The following FHIT variants were observed in gnomAD, a reference collection of about 807,000 sequenced individuals.
FHIT encodes the protein bis(5'-adenosyl)-triphosphatase.
FHIT carries 19 observed loss-of-function variants against 17.9 expected under a neutral mutation model. That is an observed-to-expected ratio of 1.06 (90% CI 0.74 to 1.56). FHIT has a LOEUF of 1.56. Among genes scored for constraint, FHIT ranks in the 40% most tolerant of loss-of-function variants. The pLI is 0.00. For missense variants in FHIT, 248 were observed against 189.2 expected, an observed-to-expected ratio of 1.31 and a Z score of -1.82; for synonymous variants, 81 against 69.7, an observed-to-expected ratio of 1.16 and a Z score of -0.81.
chr3:60,118,372 C>T lies in FHIT; in HGVS notation c.104-104220G>A, dbSNP rs536148903. ...ATCCTCCTGCCTAAGCCTCCCAAAG[C>T]GCTGGGATTATACGTGTGAGCCACT... On this transcript the variant is annotated intron_variant, in intron 5 of 9. Transcript: ENST00000492590. Among the ~76,000 whole-genome samples, 90 of 151,506 alleles carry T rather than the reference C, an allele frequency of 5.9e-4. 1 individual carries two copies. Among genetic ancestry groups the T allele is most frequent in the African/African-American group, 1.5e-3 (63 of 41,276 alleles).
intron 4 of FHIT, among the ~76,000 whole-genome samples, chr3:60,685,539 A>C (rs2040843086): frequency 6.6e-6 from 1 of 152,190 alleles, no homozygotes; most frequent in Non-Finnish European, 1.5e-5. Context: ...GGAGCCATAT[A>C]GAAAATGGTG....
At chr3:60,274,731 C>T (rs1444534868) in intron 5 of FHIT, among the ~76,000 whole-genome samples, 1 of 152,148 alleles carries the variant, frequency 6.6e-6, no homozygotes, top group African/African-American at 2.4e-5. Context: ...TGAGTCTGTT[C>T]AGGTCTACTA....
At chr3:60,506,690 T>C (rs1281124602) in intron 5 of FHIT, among the ~76,000 whole-genome samples, 2 of 152,066 alleles carry the variant, frequency 1.3e-5, no homozygotes, top group African/African-American at 4.8e-5. Flanking sequence ...CCTTCTAACC[T>C]CCTGCCCTCT....
At chr3:60,364,033 T>C (rs1191535551) in intron 5 of FHIT, among the ~76,000 whole-genome samples, 1 of 152,166 alleles carries the variant, frequency 6.6e-6, no homozygotes, top group Admixed American at 6.5e-5. Context: ...ATGCAGTCAC[T>C]ATAACATCAT....
At chr3:60,713,154 G>A (rs1485980373) in intron 4 of FHIT, among the ~76,000 whole-genome samples, 1 of 152,138 alleles carries the variant, frequency 6.6e-6, no homozygotes, top group African/African-American at 2.4e-5. Context: ...CATGGAAACT[G>A]AACAACCTGT....
chr3:61,071,709 G>A lies in FHIT; in HGVS notation c.-163-29610C>T, dbSNP rs190791992. On this transcript the variant is annotated intron_variant, in intron 2 of 9. Transcript: ENST00000492590. ...TAAGTATTTCCATATATATTTCTAC[G>A]TTGGCATATTATTCTACACAGAAAA... Among the ~76,000 whole-genome samples the A allele has an allele frequency of 1.4e-3, 219 of 152,016 alleles. 1 individual carries two copies. The highest frequency in any genetic ancestry group is 5.0e-3 in the African/African-American group (207 of 41,460).
At chr3:60,214,991 G>A (rs1027024588) in intron 5 of FHIT, among the ~76,000 whole-genome samples, 2 of 151,932 alleles carry the variant, frequency 1.3e-5, no homozygotes, top group African/African-American at 4.8e-5. Flanking sequence ...ACAAAGATGG[G>A]AACAAGAGAC....
chr3:60,099,171 T>G (rs961838087), intron 5 of FHIT, among the ~76,000 whole-genome samples: 4 of 152,178 alleles, frequency 2.6e-5, no homozygotes, highest in Non-Finnish European at 4.4e-5. Context: ...TGTCTCCTAC[T>G]AGTCTTTGCT....
intron 3 of FHIT, among the ~76,000 whole-genome samples, chr3:60,962,416 C>G (rs1269152508): frequency 1.3e-5 from 2 of 152,196 alleles, no homozygotes; most frequent in Non-Finnish European, 2.9e-5. Flanking sequence ...ATTCAATACA[C>G]TTTATTTCTT....
intron 5 of FHIT, among the ~76,000 whole-genome samples, chr3:60,398,656 T>A (rs941860353): frequency 6.6e-6 from 1 of 152,152 alleles, no homozygotes. Context: ...TTGTCTGAAA[T>A]CTAGGGTGAT....
chr3:60,691,654 C>G (rs190859705), intron 4 of FHIT, among the ~76,000 whole-genome samples: 3 of 152,190 alleles, frequency 2.0e-5, no homozygotes, highest in African/African-American at 7.2e-5. Flanking sequence ...GCTTGAGGTA[C>G]CACACCTGGC....
intron 6 of FHIT, among the ~76,000 whole-genome samples, chr3:60,012,434 A>G (rs1043208503): frequency 1.3e-5 from 2 of 151,508 alleles, no homozygotes; most frequent in African/African-American, 4.9e-5. Flanking sequence ...ATGCCTGGCT[A>G]ATTTTTGTAT....
chr3:60,801,449 A>T (rs1553732248), intron 4 of FHIT, among the ~76,000 whole-genome samples: 2 of 152,222 alleles, frequency 1.3e-5, no homozygotes, highest in Non-Finnish European at 2.9e-5. Context: ...TACTTGCCCT[A>T]GATCTTTGGA....
chr3:60,899,644 T>C (rs1553762719), intron 3 of FHIT, among the ~76,000 whole-genome samples: 1 of 152,178 alleles, frequency 6.6e-6, no homozygotes, highest in African/African-American at 2.4e-5. Context: ...CCAGAGACTC[T>C]TCACCTCACA....
At chr3:60,116,720 G>A (rs943854573) in intron 5 of FHIT, among the ~76,000 whole-genome samples, 2 of 152,096 alleles carry the variant, frequency 1.3e-5, no homozygotes, top group African/African-American at 4.8e-5. Flanking sequence ...AAGCAAGCAG[G>A]TAAGGCAGAT....
chr3:60,894,364 A>C (rs1253994888), intron 3 of FHIT, among the ~76,000 whole-genome samples: 1 of 152,216 alleles, frequency 6.6e-6, no homozygotes, highest in Non-Finnish European at 1.5e-5. Context: ...TTTCCAAGGC[A>C]TTCTATGCTG....
chr3:60,659,854 G>A (rs538980125), intron 4 of FHIT, among the ~76,000 whole-genome samples: 1 of 152,132 alleles, frequency 6.6e-6, no homozygotes, highest in Admixed American at 6.6e-5. Flanking sequence ...TTTTGTTGTT[G>A]TTGTTGAAAA....
At chr3:60,685,542 A>G (rs542683267) in intron 4 of FHIT, among the ~76,000 whole-genome samples, 2 of 152,282 alleles carry the variant, frequency 1.3e-5, no homozygotes, top group South Asian at 4.1e-4. Flanking sequence ...GCCATATAGA[A>G]AATGGTGACA....
intron 7 of FHIT, among the ~76,000 whole-genome samples, chr3:59,973,669 C>A (rs1295888856): frequency 1.3e-5 from 2 of 152,052 alleles, no homozygotes; most frequent in Non-Finnish European, 2.9e-5. Flanking sequence ...ATGGCAAGAA[C>A]CATGTTAGAT....
Sources: allele counts gnomAD v4.1 joint callset (sites outside exome capture counted in the v4.1 genomes callset), GRCh38; gene constraint gnomAD v4.1.1; transcripts MANE v1.5; gene names NCBI Gene and HGNC (gene_info 2026-07-23, HGNC 2026-07-21).